LRP1B: variants seen among roughly 807,000 people sequenced by gnomAD.
LRP1B encodes low-density lipoprotein receptor-related protein 1B.
In LRP1B, 217 loss-of-function variants were observed where a neutral mutation model predicts 556.6. That is an observed-to-expected ratio of 0.39 (90% confidence interval 0.35 to 0.44). The LOEUF (loss-of-function observed/expected upper bound fraction) is 0.44, where lower values mean the gene tolerates loss of function less well. Ranked by LOEUF, LRP1B falls within the 20% of genes least tolerant of loss-of-function variation. The pLI is 1.00. For missense variants in LRP1B, 5,053 were observed against 5,620.8 expected, an observed-to-expected ratio of 0.90 and a Z score of 3.23; for synonymous variants, 2,047 against 1,865.8, an observed-to-expected ratio of 1.10 and a Z score of -2.50.
chr2:141,190,148 AC>A (rs1681445247), intron 6 of LRP1B, among the ~76,000 whole-genome samples: 1 of 151,608 alleles, frequency 6.6e-6, no homozygotes, highest in African/African-American at 2.4e-5. Context: ...ACCTCCTATA[AC>A]CTGTCACCAC....
intron 1 of LRP1B, among the ~76,000 whole-genome samples, chr2:142,128,474 C>G (rs1220552512): frequency 1.3e-5 from 2 of 152,206 alleles, no homozygotes; most frequent in East Asian, 3.8e-4. Context: ...TCTTCTGTTT[C>G]AGCATATTAG....
At chr2:140,855,029 T>G (rs933775992) in intron 27 of LRP1B, among the ~76,000 whole-genome samples, 1 of 152,146 alleles carries the variant, frequency 6.6e-6, no homozygotes, top group Non-Finnish European at 1.5e-5. Flanking sequence ...AAACTCAAAC[T>G]GATGAAATAT....
intron 20 of LRP1B, among the ~76,000 whole-genome samples, chr2:140,933,491 G>A (rs1015916372): frequency 1.3e-5 from 2 of 152,092 alleles, no homozygotes; most frequent in South Asian, 2.1e-4. Flanking sequence ...TGAGAATAGG[G>A]AACCAGAATT....
intron 35 of LRP1B, among the ~76,000 whole-genome samples, chr2:140,755,536 T>G (rs1348096638): frequency 3.3e-5 from 5 of 151,866 alleles, no homozygotes; most frequent in Non-Finnish European, 5.9e-5. Flanking sequence ...ATATATTAAT[T>G]TATTACACCG....
chr2:141,825,057 A>G (rs1004872397), intron 1 of LRP1B, among the ~76,000 whole-genome samples: 1 of 152,160 alleles, frequency 6.6e-6, no homozygotes, highest in African/African-American at 2.4e-5. Context: ...CATGATTTTA[A>G]GTTTCCTGAG....
chr2:140,409,560 G>A (rs1422528970), intron 66 of LRP1B, among the ~76,000 whole-genome samples: 1 of 151,960 alleles, frequency 6.6e-6, no homozygotes, highest in Non-Finnish European at 1.5e-5. Context: ...ATTGTTATAA[G>A]AAGTATTTTA....
intron 5 of LRP1B, among the ~76,000 whole-genome samples, chr2:141,236,306 A>T (rs1683646720): frequency 6.6e-6 from 1 of 152,172 alleles, no homozygotes; most frequent in East Asian, 1.9e-4. Context: ...TGTAGTGGGA[A>T]CATTTAATAT....
chr2:141,746,601 AACCAGGT>A (rs1264926283), intron 2 of LRP1B, among the ~76,000 whole-genome samples: 1 of 152,100 alleles, frequency 6.6e-6, no homozygotes, highest in Non-Finnish European at 1.5e-5. Flanking sequence ...ATGAAGTTAA[AACCAGGT>A]ACTGTGAGTG....
At chr2:141,196,275 A>G (rs1000511934) in intron 6 of LRP1B, among the ~76,000 whole-genome samples, 1 of 152,084 alleles carries the variant, frequency 6.6e-6, no homozygotes, top group African/African-American at 2.4e-5. Flanking sequence ...TGTTTTGGCT[A>G]CGTCAAGTGC....
In LRP1B at chr2:141,195,715, A is replaced by G. The variant is rs546856557; in HGVS notation, c.851-7132T>C. On this transcript the variant is annotated intron_variant, in intron 6 of 90. Coordinates refer to ENST00000389484, the MANE Select transcript of LRP1B (RefSeq NM_018557.3). ...TGAACCCTGAGAAATTTAAAGACACACTCTCTTGAAAATGTCTGCTCTATT... is the reference window on the plus strand; with the variant it reads ...TGAACCCTGAGAAATTTAAAGACACGCTCTCTTGAAAATGTCTGCTCTATT... Among the ~76,000 whole-genome samples, 6 of 152,082 alleles carry G rather than the reference A, an allele frequency of 3.9e-5. No homozygotes were observed. The South Asian group carries it at 1.2e-3, about 32-fold the overall frequency.
At chr2:140,488,855 C>T (rs1688586067) in intron 57 of LRP1B, among the ~76,000 whole-genome samples, 1 of 151,880 alleles carries the variant, frequency 6.6e-6, no homozygotes, top group South Asian at 2.1e-4. Flanking sequence ...TAGAGACAAG[C>T]ATCTTCAGAG....
At chr2:140,394,321 C>T (rs990538460) in intron 66 of LRP1B, among the ~76,000 whole-genome samples, 1 of 151,988 alleles carries the variant, frequency 6.6e-6, no homozygotes, top group Middle Eastern at 3.2e-3. Context: ...TGTCTACTGC[C>T]CTAGAGCACA....
intron 1 of LRP1B, among the ~76,000 whole-genome samples, chr2:141,849,198 C>T (rs1479354262): frequency 6.6e-6 from 1 of 151,528 alleles, no homozygotes; most frequent in African/African-American, 2.4e-5. Context: ...ACTAAATTTT[C>T]TCATTAATTC....
At chr2:141,905,913 T>G (rs370692281) in intron 1 of LRP1B, among the ~76,000 whole-genome samples, 56 of 151,084 alleles carry the variant, frequency 3.7e-4, no homozygotes, top group African/African-American at 1.3e-3. Context: ...TCTGTGTGTA[T>G]ACACATCTCT....
chr2:141,089,453 A>C (rs983671049), intron 7 of LRP1B, among the ~76,000 whole-genome samples: 1 of 152,222 alleles, frequency 6.6e-6, no homozygotes, highest in African/African-American at 2.4e-5. Context: ...ACTATTTTGG[A>C]TAGTATCTGA....
chr2:140,982,153 A>G lies in LRP1B; in HGVS notation c.2887+7T>C. The G allele has an allele frequency of 1.2e-6, 2 of 1,606,208 alleles. No homozygotes were observed. Among genetic ancestry groups the G allele is most frequent in the Non-Finnish European group, 1.7e-6 (2 of 1,173,250 alleles). On this transcript the variant is annotated splice_region_variant and intron_variant, in intron 18 of 90. Coordinates refer to ENST00000389484, the MANE Select transcript of LRP1B (RefSeq NM_018557.3). ...TGTAATAATAACATGTCTCACTCAC[A>G]ACTTACCACAAGATGCCATTTCATC...
intron 3 of LRP1B, among the ~76,000 whole-genome samples, chr2:141,467,838 C>CGGGG (rs1559087152): frequency 1.7e-5 from 2 of 120,908 alleles, no homozygotes; most frequent in Admixed American, 9.1e-5. Flanking sequence ...TGTTTGCGGA[C>CGGGG]CGGGGGGGGG....
chr2:141,150,914 T>TGTGTGTGTGTGTGTGTG (rs1558894867), intron 7 of LRP1B, among the ~76,000 whole-genome samples: 2 of 150,910 alleles, frequency 1.3e-5, no homozygotes, highest in East Asian at 1.9e-4. Context: ...TGTGTGTGTG[T>TGTGTGTGTGTGTGTGTG]TTGCCATGCT....
intron 21 of LRP1B, among the ~76,000 whole-genome samples, chr2:140,908,652 A>G (rs1184688587): frequency 6.7e-6 from 1 of 150,104 alleles, no homozygotes; most frequent in Non-Finnish European, 1.5e-5. Context: ...ATATCAAATG[A>G]TATCAAACAT....
Sources: gnomAD v4.1 joint callset for allele counts (sites outside exome capture counted in the v4.1 genomes callset) on GRCh38, gnomAD v4.1.1 for gene constraint, MANE v1.5 for transcripts, NCBI Gene and HGNC (gene_info 2026-07-23, HGNC 2026-07-21) for gene names.